MBD5: variants seen among roughly 807,000 people sequenced by gnomAD.
The protein encoded by MBD5 is methyl-CpG binding domain protein 5.
In MBD5, 13 loss-of-function variants were observed where a neutral mutation model predicts 117.3. The ratio of observed to expected loss-of-function variants is 0.11; its 90% CI spans 0.07 to 0.18. The LOEUF (loss-of-function observed/expected upper bound fraction) is 0.18, where lower values mean the gene tolerates loss of function less well. MBD5 is among the 10% of genes least tolerant of loss of function. The probability of loss-of-function intolerance (pLI) is 1.00; values close to 1 mark genes in which losing one functional copy is unlikely to be tolerated. For missense variants in MBD5, 1,879 were observed against 2,093.8 expected (o/e 0.90, Z 2.00); for synonymous variants, 727 against 766.4 (o/e 0.95, Z 0.85).
In MBD5 at chr2:148,458,416, T is replaced by G. The variant is rs1006845865; in HGVS notation, c.-343T>G. On this transcript the variant is annotated 5_prime_UTR_variant, in exon 5 of 14. Coordinates refer to ENST00000642680, the MANE Select transcript of MBD5 (RefSeq NM_001378120.1). ...CAACATCAAGGTTCAAGACAAATGT[T>G]GAACTAAAAACTTTACACTCCCCAC... 3.7e-6 allele frequency: 2 copies of G among 542,938 alleles called. No homozygotes were observed. The highest frequency in any genetic ancestry group is 6.5e-6 in the Non-Finnish European group (2 of 307,808). 33.6% of individuals were successfully genotyped at this position (542,938 alleles called of 1,614,324 possible).
chr2:148,507,631 T>C (rs761633847), intron 12 of MBD5, among the ~76,000 whole-genome samples: 64 of 151,792 alleles, frequency 4.2e-4, no homozygotes, highest in African/African-American at 7.2e-4. Flanking sequence ...CGGTGGCGGG[T>C]GCCTGTAGTC....
At chr2:148,373,189 A>T (rs1703902687) in intron 4 of MBD5, among the ~76,000 whole-genome samples, 1 of 152,140 alleles carries the variant, frequency 6.6e-6, no homozygotes, top group Non-Finnish European at 1.5e-5. Flanking sequence ...CCTGTTTTTG[A>T]ATAGGTTTCA....
chr2:148,063,546 A>C (rs1052905329), intron 1 of MBD5, among the ~76,000 whole-genome samples: 1 of 101,692 alleles, frequency 9.8e-6, no homozygotes, highest in Non-Finnish European at 2.0e-5. Context: ...GCTATTTTCC[A>C]AGAAAACTTT....
Position 148,062,843 on chromosome 2 carries a change from G to A in MBD5, c.-925+41159G>A, listed in dbSNP as rs189383022. On this transcript the variant is annotated intron_variant, in intron 1 of 13. Transcript: ENST00000642680. Reference sequence around the variant, plus strand: ...TCTTTTTCTAGAAAGTTTCTTAAATGCATATAGTGGTATTAACCAAATATA... The same window carrying A: ...TCTTTTTCTAGAAAGTTTCTTAAATACATATAGTGGTATTAACCAAATATA... Among the ~76,000 whole-genome samples, 5 of 151,884 alleles carry A rather than the reference G, an allele frequency of 3.3e-5. No homozygotes were observed. In the East Asian group the frequency reaches 9.6e-4, roughly 29 times the overall value.
intron 8 of MBD5, chr2:148,471,294 A>C (rs1364181704): frequency 6.6e-6 from 1 of 152,160 alleles, no homozygotes; most frequent in African/African-American, 2.4e-5. Context: ...TGTGCAATAG[A>C]GTCCTCAGAA....
rs568833774 is a variant in MBD5 at position 148,224,031 on chromosome 2, A to G, written c.-830-9214A>G. ...TAATTTCCATGTATTTGTACAGTTT[A>G]CAAAATTCCTCTTATTATGGATTAT... On this transcript the variant is annotated intron_variant, in intron 2 of 13. Coordinates refer to ENST00000642680, the MANE Select transcript of MBD5 (RefSeq NM_001378120.1). Among the ~76,000 whole-genome samples, 31 of 152,286 alleles carry G rather than the reference A, an allele frequency of 2.0e-4. No homozygotes were observed. The South Asian group carries it at 6.2e-3, about 31-fold the overall frequency.
At chr2:148,478,143 T>C (rs1364276634) in intron 8 of MBD5, among the ~76,000 whole-genome samples, 1 of 152,168 alleles carries the variant, frequency 6.6e-6, no homozygotes, top group Admixed American at 6.6e-5. Context: ...TGAAAAGTAG[T>C]TTTAAAAATG....
chr2:148,056,977 T>C (rs1192054255), intron 1 of MBD5, among the ~76,000 whole-genome samples: 1 of 151,922 alleles, frequency 6.6e-6, no homozygotes, highest in Non-Finnish European at 1.5e-5. Flanking sequence ...CGAATTCATC[T>C]AAGTCATCTG....
At chr2:148,275,978 T>A (rs965247968) in intron 3 of MBD5, among the ~76,000 whole-genome samples, 2 of 152,192 alleles carry the variant, frequency 1.3e-5, no homozygotes, top group Non-Finnish European at 2.9e-5. Context: ...ATGTTTTAAT[T>A]TGAAATGTTT....
chr2:148,497,905 G>A (rs1444677793), intron 11 of MBD5, among the ~76,000 whole-genome samples: 1 of 152,042 alleles, frequency 6.6e-6, no homozygotes, highest in East Asian at 1.9e-4. Flanking sequence ...GCACCTTCAT[G>A]TTCGTGGTCA....
At chr2:148,213,538 A>G (rs1349248276) in intron 2 of MBD5, among the ~76,000 whole-genome samples, 6 of 152,192 alleles carry the variant, frequency 3.9e-5, no homozygotes. Flanking sequence ...TTAGGTGGAT[A>G]TTGAAAAGTA....
At chr2:148,344,406 C>A (rs908499221) in intron 4 of MBD5, among the ~76,000 whole-genome samples, 2 of 151,900 alleles carry the variant, frequency 1.3e-5, no homozygotes, top group Non-Finnish European at 2.9e-5. Flanking sequence ...TTGCTTTGGG[C>A]AGTATGGCCC....
intron 4 of MBD5, among the ~76,000 whole-genome samples, chr2:148,379,445 A>C (rs1704074854): frequency 6.6e-6 from 1 of 152,102 alleles, no homozygotes; most frequent in Non-Finnish European, 1.5e-5. Context: ...AAAAAAAGAT[A>C]ATCAAAAACA....
chr2:148,092,841 A>G (rs1267684357), intron 1 of MBD5, among the ~76,000 whole-genome samples: 1 of 152,182 alleles, frequency 6.6e-6, no homozygotes, highest in Non-Finnish European at 1.5e-5. Flanking sequence ...TAAACAAAAC[A>G]AAACAAAAAC....
intron 4 of MBD5, among the ~76,000 whole-genome samples, chr2:148,448,668 T>C (rs1706638046): frequency 6.6e-6 from 1 of 152,044 alleles, no homozygotes; most frequent in South Asian, 2.1e-4. Flanking sequence ...TGTATATAAA[T>C]ATTAGTGTAT....
At chr2:148,410,819 GT>G (rs540095936) in intron 4 of MBD5, among the ~76,000 whole-genome samples, 4 of 152,050 alleles carry the variant, frequency 2.6e-5, no homozygotes, top group Admixed American at 6.6e-5. Context: ...GAATTTTAAG[GT>G]TTTTTTATGA....
At chr2:148,502,256 C>T (rs1681894115) in intron 11 of MBD5, 180 bp from the exon 12 acceptor site, 3 of 645,240 alleles carry the variant, frequency 4.6e-6, no homozygotes, top group Admixed American at 5.2e-5. Context: ...GATGCTGCAG[C>T]CTGGAGCCAC....
chr2:148,250,454 G>T (rs766701655), intron 3 of MBD5, among the ~76,000 whole-genome samples: 4 of 152,122 alleles, frequency 2.6e-5, no homozygotes, highest in Non-Finnish European at 2.9e-5. Flanking sequence ...TCTTTGCTGG[G>T]CCCCACAGAA....
intron 3 of MBD5, among the ~76,000 whole-genome samples, chr2:148,272,916 G>A (rs1701020224): frequency 6.6e-6 from 1 of 152,152 alleles, no homozygotes; most frequent in Non-Finnish European, 1.5e-5. Flanking sequence ...TAAGGTGCAA[G>A]TATTATAAGC....
Sources: allele counts gnomAD v4.1 joint callset (sites outside exome capture counted in the v4.1 genomes callset), GRCh38; gene constraint gnomAD v4.1.1; transcripts MANE v1.5; gene names NCBI Gene and HGNC (gene_info 2026-07-23, HGNC 2026-07-21).